PPM1L: variants seen among roughly 807,000 people sequenced by gnomAD.
PPM1L encodes the protein protein phosphatase, Mg2+/Mn2+ dependent 1L.
In PPM1L, 13 loss-of-function variants were observed where a neutral mutation model predicts 31.4. That is an observed-to-expected ratio of 0.41 (90% CI 0.27 to 0.66). PPM1L has a LOEUF of 0.66. PPM1L is among the 30% of genes least tolerant of loss of function. The pLI, the probability that PPM1L is intolerant of heterozygous loss-of-function variation, is 0.29. For synonymous variants in PPM1L, 184 were observed against 175.4 expected (o/e 1.05, Z -0.39); for missense variants, 326 against 453.7 (o/e 0.72, Z 2.56).
intron 1 of PPM1L, among the ~76,000 whole-genome samples, chr3:160,928,647 G>A (rs1486577442): frequency 6.6e-6 from 1 of 152,038 alleles, no homozygotes; most frequent in African/African-American, 2.4e-5. Context: ...TATGAGGTAG[G>A]GCCTTTAGGA....
At chr3:161,022,758 G>T (rs1384932332) in intron 2 of PPM1L, among the ~76,000 whole-genome samples, 1 of 148,972 alleles carries the variant, frequency 6.7e-6, no homozygotes, top group Non-Finnish European at 1.5e-5. Context: ...CCACCTCCTG[G>T]GTACACACCA....
chr3:160,887,573 C>CCT (rs1712958053), intron 1 of PPM1L, among the ~76,000 whole-genome samples: 1 of 142,624 alleles, frequency 7.0e-6, no homozygotes, highest in Non-Finnish European at 1.5e-5. Context: ...TAATATTCAA[C>CCT]TTTTTTTTTT....
intron 1 of PPM1L, among the ~76,000 whole-genome samples, chr3:160,814,708 T>TATATGTAC (rs1298410040): frequency 2.0e-5 from 3 of 149,554 alleles, no homozygotes; most frequent in Non-Finnish European, 4.4e-5. Flanking sequence ...TATGTGTATA[T>TATATGTAC]ATATGTGTAT....
chr3:160,981,274 G>T (rs1716787853), intron 2 of PPM1L, among the ~76,000 whole-genome samples: 1 of 152,182 alleles, frequency 6.6e-6, no homozygotes, highest in Non-Finnish European at 1.5e-5. Context: ...GTTCTCTCAT[G>T]TAGTTGCATT....
chr3:160,820,095 C>T (rs1288396702), intron 1 of PPM1L, among the ~76,000 whole-genome samples: 1 of 151,928 alleles, frequency 6.6e-6, no homozygotes, highest in Non-Finnish European at 1.5e-5. Flanking sequence ...GGTGAGGAGA[C>T]CAGTTGGAGG....
At chr3:161,018,802 A>C (rs74405062) in intron 2 of PPM1L, among the ~76,000 whole-genome samples, 1 of 152,170 alleles carries the variant, frequency 6.6e-6, no homozygotes, top group Non-Finnish European at 1.5e-5. Context: ...AGAACTGCAC[A>C]TTTTCCAAGG....
chr3:161,072,125 G>C lies in PPM1L; in HGVS notation c.*2968G>C, dbSNP rs1719940985. On this transcript the variant is annotated 3_prime_UTR_variant, in exon 4 of 4. Transcript: ENST00000498165. ...TGTACTCTTAACATAGGTTGGGGGA[G>C]GGACAGCTAGGGAAATTTTTTTTAA... 7.0e-6 allele frequency: 1 copy of C among 143,444 alleles called. No homozygotes were observed. Among genetic ancestry groups the C allele is most frequent in the African/African-American group, 2.8e-5 (1 of 35,366 alleles). 8.9% of individuals were successfully genotyped at this position (143,444 alleles called of 1,614,324 possible). A position where few individuals can be genotyped will look rare whatever the true frequency, so the allele number is the denominator to read the frequency against.
intron 2 of PPM1L, among the ~76,000 whole-genome samples, chr3:160,979,022 A>G (rs898796480): frequency 6.6e-6 from 1 of 152,034 alleles, no homozygotes; most frequent in African/African-American, 2.4e-5. Context: ...ACATGCATTT[A>G]TAGAAAAATA....
At chr3:160,792,677 C>G (rs1025076500) in intron 1 of PPM1L, among the ~76,000 whole-genome samples, 1 of 152,218 alleles carries the variant, frequency 6.6e-6, no homozygotes, top group East Asian at 1.9e-4. Flanking sequence ...CAGCTGCAAA[C>G]TCTGGGGTTC....
At chr3:160,902,855 A>C (rs1472652905) in intron 1 of PPM1L, among the ~76,000 whole-genome samples, 1 of 152,130 alleles carries the variant, frequency 6.6e-6, no homozygotes, top group East Asian at 1.9e-4. Flanking sequence ...TAAGATGTTT[A>C]TCTAGCTCGA....
In PPM1L at chr3:160,827,318, T is replaced by A. The variant is rs111714817; in HGVS notation, c.399+70611T>A. Reference sequence around the variant, plus strand: ...GATACTTTTTTACTGGCTGATTTTTTAAAAAAATTAAAGAGCCTTCTTTAA... The same window carrying A: ...GATACTTTTTTACTGGCTGATTTTTAAAAAAAATTAAAGAGCCTTCTTTAA... On this transcript the variant is annotated intron_variant, in intron 1 of 3. Coordinates refer to ENST00000498165, the MANE Select transcript of PPM1L (RefSeq NM_139245.4). 9.1e-3 allele frequency among the ~76,000 whole-genome samples: 1,375 copies of A among 151,282 alleles called. 20 individuals carry two copies. The highest frequency in any genetic ancestry group is 0.031 in the African/African-American group (1,264 of 40,628).
intron 1 of PPM1L, among the ~76,000 whole-genome samples, chr3:160,800,538 A>C (rs755107092): frequency 2.6e-5 from 4 of 152,160 alleles, no homozygotes; most frequent in Non-Finnish European, 4.4e-5. Flanking sequence ...CAGTTGGCTT[A>C]TGTAGGGAGA....
At chr3:160,808,317 G>A (rs1296067552) in intron 1 of PPM1L, among the ~76,000 whole-genome samples, 2 of 147,962 alleles carry the variant, frequency 1.4e-5, no homozygotes, top group East Asian at 3.9e-4. Flanking sequence ...GTGTGTGTGT[G>A]TGTGCGTGCA....
intron 2 of PPM1L, among the ~76,000 whole-genome samples, chr3:161,019,859 C>T (rs1718191489): frequency 6.6e-6 from 1 of 152,154 alleles, no homozygotes; most frequent in South Asian, 2.1e-4. Flanking sequence ...GGCATGGTGG[C>T]TCATGCCTGT....
intron 1 of PPM1L, among the ~76,000 whole-genome samples, chr3:160,824,594 C>G (rs1436433159): frequency 6.6e-6 from 1 of 152,106 alleles, no homozygotes; most frequent in South Asian, 2.1e-4. Flanking sequence ...GTTGCAGGCC[C>G]TTGGGCATGA....
At chr3:160,757,794 AACTCCCAT>A (rs1714854830) in intron 1 of PPM1L, among the ~76,000 whole-genome samples, 1 of 152,008 alleles carries the variant, frequency 6.6e-6, no homozygotes, top group African/African-American at 2.4e-5. Flanking sequence ...CCCTCCCCCG[AACTCCCAT>A]ACAAGTTTTC....
intron 1 of PPM1L, among the ~76,000 whole-genome samples, chr3:160,803,181 C>T (rs1413226566): frequency 6.6e-6 from 1 of 152,188 alleles, no homozygotes; most frequent in African/African-American, 2.4e-5. Flanking sequence ...GAGATGTTCT[C>T]CCCTCCCCCG....
chr3:161,043,524 C>T (rs1430514861), intron 2 of PPM1L, among the ~76,000 whole-genome samples: 1 of 152,158 alleles, frequency 6.6e-6, no homozygotes, highest in Non-Finnish European at 1.5e-5. Flanking sequence ...GATGCTCAAG[C>T]CAGCAGCCAG....
chr3:161,015,813 A>G (rs1396624617), intron 2 of PPM1L, among the ~76,000 whole-genome samples: 3 of 152,220 alleles, frequency 2.0e-5, no homozygotes, highest in Non-Finnish European at 4.4e-5. Context: ...GAACTTGGAT[A>G]AAAACATGGC....
Sources: gnomAD v4.1 joint callset for allele counts (sites outside exome capture counted in the v4.1 genomes callset) on GRCh38, gnomAD v4.1.1 for gene constraint, MANE v1.5 for transcripts, NCBI Gene and HGNC (gene_info 2026-07-23, HGNC 2026-07-21) for gene names.